Variants in FARS2 observed in about 807,000 individuals in gnomAD.
FARS2 encodes phenylalanyl-tRNA synthetase 2, mitochondrial.
In FARS2, 40 loss-of-function variants were observed where a neutral mutation model predicts 46.4. That is an observed-to-expected ratio of 0.86 (90% CI 0.67 to 1.12). FARS2 has a LOEUF of 1.12. Ranked by LOEUF, FARS2 falls within the 50% of genes most tolerant of loss-of-function variation. The pLI is 0.00. For missense variants in FARS2, 513 were observed against 567.9 expected (o/e 0.90, Z 0.98); for synonymous variants, 234 against 214.9 (o/e 1.09, Z -0.78).
intron 4 of FARS2, among the ~76,000 whole-genome samples, chr6:5,480,852 T>C (rs1422844902): frequency 6.6e-6 from 1 of 152,236 alleles, no homozygotes; most frequent in Non-Finnish European, 1.5e-5. Flanking sequence ...AGTGTCATAA[T>C]GGATGTCTCT....
chr6:5,288,473 A>G (rs1242466653), intron 1 of FARS2, among the ~76,000 whole-genome samples: 1 of 152,194 alleles, frequency 6.6e-6, no homozygotes, highest in African/African-American at 2.4e-5. Flanking sequence ...CTCATTGTGA[A>G]GTCCAGGTTG....
intron 2 of FARS2, among the ~76,000 whole-genome samples, chr6:5,372,619 A>G (rs1759129380): frequency 1.3e-5 from 2 of 152,140 alleles, no homozygotes; most frequent in Non-Finnish European, 2.9e-5. Flanking sequence ...ATATACAAGT[A>G]TAGCTTCATG....
intron 1 of FARS2, among the ~76,000 whole-genome samples, chr6:5,313,392 A>G (rs760612753): frequency 5.9e-5 from 9 of 152,246 alleles, no homozygotes; most frequent in Middle Eastern, 6.8e-3. Flanking sequence ...TTAATGCATA[A>G]AGGCTCATTG....
At chr6:5,544,413 G>A (rs1023281822) in intron 4 of FARS2, among the ~76,000 whole-genome samples, 3 of 21,724 alleles carry the variant, frequency 1.4e-4, no homozygotes, top group Non-Finnish European at 2.6e-4. Flanking sequence ...GTGTCCAGTT[G>A]GAATTATATC....
intron 4 of FARS2, among the ~76,000 whole-genome samples, chr6:5,491,240 T>G (rs1328519492): frequency 6.6e-6 from 1 of 152,196 alleles, no homozygotes; most frequent in African/African-American, 2.4e-5. Flanking sequence ...TGTGAAGGGT[T>G]TGTCCAAATC....
At chr6:5,708,512 A>T (rs1758908181) in intron 6 of FARS2, among the ~76,000 whole-genome samples, 1 of 152,136 alleles carries the variant, frequency 6.6e-6, no homozygotes, top group Non-Finnish European at 1.5e-5. Context: ...GGGCTCAGTC[A>T]TGGAAACTAC....
At chr6:5,480,190 A>C (rs962434894) in intron 4 of FARS2, among the ~76,000 whole-genome samples, 27 of 152,258 alleles carry the variant, frequency 1.8e-4, no homozygotes, top group Non-Finnish European at 8.8e-5. Flanking sequence ...ATCTTGAGTC[A>C]AGAAAATCAT....
At chr6:5,623,416 T>TA (rs1402314941) in intron 6 of FARS2, among the ~76,000 whole-genome samples, 3 of 152,048 alleles carry the variant, frequency 2.0e-5, no homozygotes, top group Non-Finnish European at 4.4e-5. Context: ...AATTTTTAAT[T>TA]AAAAAAATAC....
intron 6 of FARS2, among the ~76,000 whole-genome samples, chr6:5,661,183 A>C (rs530520625): frequency 1.3e-5 from 2 of 152,338 alleles, no homozygotes; most frequent in South Asian, 4.1e-4. Flanking sequence ...GGGAAGAGGG[A>C]TGATGCTGAT....
intron 5 of FARS2, among the ~76,000 whole-genome samples, chr6:5,566,814 T>G (rs868335627): frequency 1.3e-5 from 2 of 152,226 alleles, no homozygotes; most frequent in African/African-American, 2.4e-5. Flanking sequence ...GCTTTTGAAC[T>G]TTACAAAAAG....
At chr6:5,264,617 G>A (rs1331311175) in intron 1 of FARS2, among the ~76,000 whole-genome samples, 1 of 151,540 alleles carries the variant, frequency 6.6e-6, no homozygotes, top group Non-Finnish European at 1.5e-5. Flanking sequence ...ATGTTGTCCA[G>A]GCTTTTCTTG....
At chr6:5,510,853 T>C (rs1206764136) in intron 4 of FARS2, among the ~76,000 whole-genome samples, 1 of 151,972 alleles carries the variant, frequency 6.6e-6, no homozygotes, top group Non-Finnish European at 1.5e-5. Flanking sequence ...TGAGCTGGTA[T>C]TTATTAATGG....
intron 6 of FARS2, among the ~76,000 whole-genome samples, chr6:5,652,399 C>T (rs994046370): frequency 3.3e-5 from 5 of 152,134 alleles, no homozygotes; most frequent in Admixed American, 6.5e-5. Context: ...AAAATAAAAG[C>T]GAAACTTTAG....
intron 6 of FARS2, among the ~76,000 whole-genome samples, chr6:5,688,241 A>C (rs1383829410): frequency 6.6e-6 from 1 of 152,140 alleles, no homozygotes; most frequent in African/African-American, 2.4e-5. Flanking sequence ...CACTGTGTTG[A>C]ATAGGAGTGG....
intron 4 of FARS2, among the ~76,000 whole-genome samples, chr6:5,500,797 G>T (rs961637376): frequency 6.6e-6 from 1 of 152,078 alleles, no homozygotes; most frequent in Non-Finnish European, 1.5e-5. Context: ...AGAACCGGTA[G>T]AAGAGTTGAA....
At chr6:5,521,979 C>G (rs563253563) in intron 4 of FARS2, among the ~76,000 whole-genome samples, 1 of 152,174 alleles carries the variant, frequency 6.6e-6, no homozygotes, top group Admixed American at 6.5e-5. Flanking sequence ...GAGTTTGGTC[C>G]CATTCAGAGG....
At chr6:5,621,208 T>C (rs1025391615) in intron 6 of FARS2, among the ~76,000 whole-genome samples, 1 of 151,860 alleles carries the variant, frequency 6.6e-6, no homozygotes, top group South Asian at 2.1e-4. Flanking sequence ...TACCTTAGTC[T>C]CCCAAGTAGC....
rs1554106819 is a variant in FARS2 at position 5,539,384 on chromosome 6, G to GTATATATATATATATATATATATATA, written c.905-5781_905-5780insATATATATATATATATATATATATAT. 2.4e-3 allele frequency among the ~76,000 whole-genome samples: 187 copies of GTATATATATATATATATATATATATA among 79,460 alleles called. 2 individuals are homozygous for GTATATATATATATATATATATATATA. Among genetic ancestry groups the GTATATATATATATATATATATATATA allele is most frequent in the African/African-American group, 7.2e-3 (156 of 21,564 alleles). 52.1% of individuals were successfully genotyped at this position (79,460 alleles called of 152,430 possible). On this transcript the variant is annotated intron_variant, in intron 4 of 6. Coordinates refer to ENST00000274680, the MANE Select transcript of FARS2 (RefSeq NM_006567.5). ...ACCATGCCCACCTAATTTTTTTTGT[G>GTATATATATATATATATATATATATA]TATATATATATATATGTATATATTT...
intron 5 of FARS2, among the ~76,000 whole-genome samples, chr6:5,571,502 A>C (rs896475948): frequency 1.3e-5 from 2 of 152,200 alleles, no homozygotes; most frequent in East Asian, 3.8e-4. Context: ...GACCTTCATT[A>C]GGATTCTTCA....
Sources: gnomAD v4.1 joint callset for allele counts (sites outside exome capture counted in the v4.1 genomes callset) on GRCh38, gnomAD v4.1.1 for gene constraint, MANE v1.5 for transcripts, NCBI Gene and HGNC (gene_info 2026-07-23, HGNC 2026-07-21) for gene names.